UPF2: variants seen among roughly 807,000 people sequenced by gnomAD.
UPF2 encodes the protein UPF2 regulator of nonsense mediated mRNA decay.
Under a neutral mutation model 141.4 loss-of-function variants are expected in UPF2, and 17 were observed. That is an observed-to-expected ratio of 0.12 (90% confidence interval 0.08 to 0.18). The LOEUF (loss-of-function observed/expected upper bound fraction) is 0.18. Among genes scored for constraint, UPF2 ranks in the 10% least tolerant of loss-of-function variants. The pLI is 1.00. For missense variants in UPF2, 1,152 were observed against 1,515.9 expected (o/e 0.76, Z 3.99); for synonymous variants, 540 against 498.0 (o/e 1.08, Z -1.12).
intron 9 of UPF2, among the ~76,000 whole-genome samples, chr10:11,975,121 C>T (rs1379722015): frequency 2.6e-5 from 4 of 152,182 alleles, no homozygotes; most frequent in Admixed American, 6.5e-5. Flanking sequence ...CCCAGTCAGG[C>T]GTGTTGGCAT....
chr10:11,981,131 C>G (rs1475903356), intron 8 of UPF2, among the ~76,000 whole-genome samples: 1 of 151,772 alleles, frequency 6.6e-6, no homozygotes, highest in Non-Finnish European at 1.5e-5. Flanking sequence ...CCACCGCACT[C>G]CAGTCTGGGC....
chr10:11,986,833 C>T (rs1833699583), intron 8 of UPF2, among the ~76,000 whole-genome samples: 1 of 152,166 alleles, frequency 6.6e-6, no homozygotes, highest in African/African-American at 2.4e-5. Flanking sequence ...AACATTCTCT[C>T]ACAGTTCCAA....
Position 11,955,383 on chromosome 10 carries a change from C to T in UPF2, c.2699G>A (p.Gly900Asp). The change falls in exon 14 of 22, where the codon GGT becomes GAT. Residue 900 changes from glycine to aspartate, a missense_variant. Coordinates refer to ENST00000357604, the MANE Select transcript of UPF2 (RefSeq NM_015542.4). ...FRTLYSFTSFGVNPDGSPSSL... is the reference protein window; with the variant it reads ...FRTLYSFTSFDVNPDGSPSSL... ...ACTTGGAGAGCCATCAGGATTAACA[C>T]CAAATGAGGTAAAAGAATACAGAGT... 6.2e-7 allele frequency: 1 copy of T among 1,614,118 alleles called. No homozygotes were observed. The highest frequency in any genetic ancestry group is 8.5e-7 in the Non-Finnish European group (1 of 1,180,010).
chr10:12,000,755 A>T (rs910091152), intron 6 of UPF2, among the ~76,000 whole-genome samples: 1 of 152,168 alleles, frequency 6.6e-6, no homozygotes, highest in African/African-American at 2.4e-5. Flanking sequence ...GCAGTCAATT[A>T]TGATCATGCC....
At chr10:12,011,297 T>G (rs1202430011) in intron 4 of UPF2, among the ~76,000 whole-genome samples, 1 of 152,180 alleles carries the variant, frequency 6.6e-6, no homozygotes, top group South Asian at 2.1e-4. Flanking sequence ...GCCAAAAAGA[T>G]CTTTTAAAAA....
At chr10:11,947,626 A>C (rs976063424) in intron 16 of UPF2, among the ~76,000 whole-genome samples, 2 of 151,678 alleles carry the variant, frequency 1.3e-5, no homozygotes, top group Non-Finnish European at 2.9e-5. Context: ...CTACAAAAAA[A>C]CCCCAAAATA....
chr10:11,958,310 G>A (rs1316953198), intron 12 of UPF2, among the ~76,000 whole-genome samples: 2 of 152,128 alleles, frequency 1.3e-5, no homozygotes, highest in Non-Finnish European at 2.9e-5. Context: ...ATATAAAATG[G>A]ATACTATTAG....
intron 2 of UPF2, among the ~76,000 whole-genome samples, chr10:12,032,880 A>C (rs1834551456): frequency 6.6e-6 from 1 of 151,606 alleles, no homozygotes; most frequent in African/African-American, 2.4e-5. Context: ...GCCTGTAATG[A>C]CAGCTACTCA....
At chr10:12,001,546 T>TGA (rs1193308593) in intron 6 of UPF2, 130 bp downstream of exon 6, 6 of 879,806 alleles carry the variant, frequency 6.8e-6, no homozygotes, top group Middle Eastern at 3.7e-4. Flanking sequence ...AAAACAGTGA[T>TGA]GGACTGAAAA....
At position 11,974,646 on chromosome 10, in the gene UPF2, T is replaced by C. The variant is rs367967172; in HGVS notation, c.1953+4411A>G. ...ATCTATTGAGATAAGCGTGTGGTTT[T>C]TGTCTTTGGTTCTGTTTCTACGATG... On this transcript the variant is annotated intron_variant, in intron 9 of 21. Transcript: ENST00000357604. Among the ~76,000 whole-genome samples, 3 of 152,248 alleles carry C rather than the reference T, an allele frequency of 2.0e-5. No individual in the cohort carries two copies. The East Asian group carries it at 5.8e-4, about 29-fold the overall frequency.
At chr10:11,952,319 T>C (rs879580732) in intron 14 of UPF2, 70 bp from the exon 15 acceptor site, 1 of 1,358,450 alleles carries the variant, frequency 7.4e-7, no homozygotes. Flanking sequence ...TAATAAACTA[T>C]ATTGTGCTGT....
At chr10:11,970,923 C>T (rs934782996) in intron 9 of UPF2, among the ~76,000 whole-genome samples, 7 of 151,906 alleles carry the variant, frequency 4.6e-5, no homozygotes, top group African/African-American at 1.7e-4. Flanking sequence ...CCTTGGATGA[C>T]GTTGGATGCA....
intron 8 of UPF2, among the ~76,000 whole-genome samples, chr10:11,993,616 T>G (rs774725807): frequency 1.3e-5 from 2 of 151,992 alleles, no homozygotes; most frequent in African/African-American, 4.8e-5. Flanking sequence ...AAAGCCCCTC[T>G]ACCTGGAAAT....
Position 11,956,215 on chromosome 10 carries a change from C to A in UPF2, c.2574+105G>T. ...TAAAATGATTATCAGCTTTTTCTAA[C>A]TAATAAATTTACAGATTCCTATAAC... On this transcript the variant is annotated intron_variant, in intron 13 of 21. Coordinates refer to ENST00000357604, the MANE Select transcript of UPF2 (RefSeq NM_015542.4). The surrounding 1 kb of genome is among the most constrained non-coding windows in gnomAD (Gnocchi z 4.2). 10 of 971,548 alleles carry A rather than the reference C, an allele frequency of 1.0e-5. No homozygotes were observed. The highest frequency in any genetic ancestry group is 1.5e-5 in the Non-Finnish European group (10 of 647,612). 60.2% of individuals were successfully genotyped at this position (971,548 alleles called of 1,614,324 possible).
rs1346317159 is a variant in UPF2 at position 11,920,627 on chromosome 10, T to C, written c.*671A>G. 5.0e-6 allele frequency: 1 copy of C among 198,060 alleles called. No individual in the cohort carries two copies. The highest frequency in any genetic ancestry group is 2.3e-5 in the African/African-American group (1 of 42,766). The allele number at this position is 198,060 out of a possible 1,614,324, so 12.3% of individuals were successfully genotyped here. A position where few individuals can be genotyped will look rare whatever the true frequency, so the allele number is the denominator to read the frequency against. On this transcript the variant is annotated 3_prime_UTR_variant, in exon 22 of 22. Transcript: ENST00000357604. ...GTAAAATAGTCTCCACATTTTTCTT[T>C]TACCTTAATAGGCAATTTTATAGCA...
intron 16 of UPF2, among the ~76,000 whole-genome samples, chr10:11,945,278 G>A (rs1832987069): frequency 6.6e-6 from 1 of 152,194 alleles, no homozygotes; most frequent in African/African-American, 2.4e-5. Context: ...TTAAACAGCT[G>A]AAGACCAAGA....
intron 3 of UPF2, among the ~76,000 whole-genome samples, chr10:12,028,092 G>C (rs1178930834): frequency 6.6e-6 from 1 of 152,094 alleles, no homozygotes; most frequent in Non-Finnish European, 1.5e-5. Context: ...CTACACAGTA[G>C]TCTACCATAC....
In UPF2 at chr10:11,994,698, A is replaced by G. The variant is rs568728680; in HGVS notation, c.1844+2974T>C. On this transcript the variant is annotated intron_variant, in intron 8 of 21. Coordinates refer to ENST00000357604, the MANE Select transcript of UPF2 (RefSeq NM_015542.4). ...ATGAAAAGATCGAGTCCTCTTTCCTAAAGAGTGATAGTTTCCGCCTGTAAT... is the reference window on the plus strand; with the variant it reads ...ATGAAAAGATCGAGTCCTCTTTCCTGAAGAGTGATAGTTTCCGCCTGTAAT... 1.3e-4 allele frequency among the ~76,000 whole-genome samples: 20 copies of G among 152,246 alleles called. No homozygotes were observed. In the South Asian group the frequency reaches 3.7e-3, roughly 28 times the overall value.
intron 3 of UPF2, chr10:12,026,751 A>G (rs916957232): frequency 9.4e-6 from 4 of 424,236 alleles, no homozygotes; most frequent in African/African-American, 6.3e-5. Context: ...CCCAGGGTCA[A>G]GTGATTCTCC....
Sources: gnomAD v4.1 joint callset for allele counts (sites outside exome capture counted in the v4.1 genomes callset) on GRCh38, gnomAD v4.1.1 for gene constraint, Gnocchi (gnomAD v3.1) non-coding constraint, MANE v1.5 for transcripts, NCBI Gene and HGNC (gene_info 2026-07-23, HGNC 2026-07-21) for gene names.